TMEM132B: variants seen among roughly 807,000 people sequenced by gnomAD.
TMEM132B encodes transmembrane protein 132B.
TMEM132B carries 18 observed loss-of-function variants against 90.8 expected under a neutral mutation model. That is an observed-to-expected ratio of 0.20 (90% CI 0.14 to 0.29). The LOEUF (loss-of-function observed/expected upper bound fraction) is 0.29. Ranked by LOEUF, TMEM132B falls within the 10% of genes least tolerant of loss-of-function variation. The probability of loss-of-function intolerance (pLI) is 1.00; values close to 1 mark genes in which losing one functional copy is unlikely to be tolerated. For missense variants in TMEM132B, 1,096 were observed against 1,326.8 expected (o/e 0.83, Z 2.70); for synonymous variants, 504 against 523.3 (o/e 0.96, Z 0.50).
At chr12:125,308,253 G>A (rs536107500) in intron 1 of TMEM132B, among the ~76,000 whole-genome samples, 1 of 151,454 alleles carries the variant, frequency 6.6e-6, no homozygotes, top group South Asian at 2.1e-4. Context: ...TAATATTTTT[G>A]CAACTTGCCT....
At chr12:125,190,307 C>T (rs191199595) in intron 1 of TMEM132B, among the ~76,000 whole-genome samples, 18 of 152,250 alleles carry the variant, frequency 1.2e-4, no homozygotes, top group Admixed American at 5.9e-4. Context: ...GAATGACAGC[C>T]GCCTGGCCTG....
chr12:125,591,359 A>G (rs1347238604), intron 5 of TMEM132B, among the ~76,000 whole-genome samples: 1 of 151,680 alleles, frequency 6.6e-6, no homozygotes, highest in African/African-American at 2.4e-5. Context: ...CCCTTCCTCA[A>G]TTTTCAAAGC....
intron 6 of TMEM132B, among the ~76,000 whole-genome samples, chr12:125,646,290 A>C (rs1886762771): frequency 6.6e-6 from 1 of 152,240 alleles, no homozygotes; most frequent in African/African-American, 2.4e-5. Flanking sequence ...AGCAGAATGC[A>C]AGAGGATAGA....
intron 1 of TMEM132B, among the ~76,000 whole-genome samples, chr12:125,194,096 C>T (rs901631445): frequency 6.6e-6 from 1 of 152,228 alleles, no homozygotes; most frequent in Non-Finnish European, 1.5e-5. Context: ...CCAGGGTGCT[C>T]CTGTCTCCCT....
chr12:125,415,484 T>G lies in TMEM132B; in HGVS notation c.960-47T>G. The G allele has an allele frequency of 1.3e-6, 2 of 1,599,224 alleles. No homozygotes were observed. The highest frequency in any genetic ancestry group is 1.7e-6 in the Non-Finnish European group (2 of 1,171,986). The stretch of plus-strand genomic sequence containing the variant: ...CCATCTTTTACTACCTGTTTCAAAC[T>G]AAAATGGTTTTATTATATATAATAT... On this transcript the variant is annotated intron_variant, in intron 2 of 8. Coordinates refer to ENST00000682704, the MANE Select transcript of TMEM132B (RefSeq NM_001366854.1). The surrounding 1 kb of genome is among the most constrained non-coding windows in gnomAD (Gnocchi z 5.3).
At chr12:125,377,571 T>C (rs1249472076) in intron 2 of TMEM132B, among the ~76,000 whole-genome samples, 1 of 152,170 alleles carries the variant, frequency 6.6e-6, no homozygotes, top group Non-Finnish European at 1.5e-5. Context: ...CACAGGTTAA[T>C]ATGTGTTAAT....
chr12:125,655,156 T>C lies in TMEM132B; in HGVS notation c.*446T>C, dbSNP rs147757767. 1.2e-3 allele frequency: 193 copies of C among 161,324 alleles called. No homozygotes were observed. Among genetic ancestry groups the C allele is most frequent in the Non-Finnish European group, 1.9e-3 (136 of 73,328 alleles). The allele number at this position is 161,324 out of a possible 1,614,324, so 10.0% of individuals were successfully genotyped here. ...GAAAGATGACTGAATGTAGCTATCC[T>C]GATTTGTCATGAGCGCTGCTCATTA... On this transcript the variant is annotated 3_prime_UTR_variant, in exon 9 of 9. Coordinates refer to ENST00000682704, the MANE Select transcript of TMEM132B (RefSeq NM_001366854.1).
chr12:125,223,784 G>A (rs973001544), intron 1 of TMEM132B, among the ~76,000 whole-genome samples: 3 of 150,794 alleles, frequency 2.0e-5, no homozygotes, highest in African/African-American at 7.4e-5. Context: ...CTTTCACTTT[G>A]TATAATATTT....
At chr12:125,280,886 G>C (rs1450508355) in intron 1 of TMEM132B, among the ~76,000 whole-genome samples, 3 of 152,218 alleles carry the variant, frequency 2.0e-5, no homozygotes, top group African/African-American at 4.8e-5. Flanking sequence ...AGAGGAGGGG[G>C]TAGGAGTGAG....
intron 3 of TMEM132B, among the ~76,000 whole-genome samples, chr12:125,505,844 G>GGCC (rs1451813755): frequency 3.3e-5 from 5 of 152,120 alleles, no homozygotes; most frequent in Non-Finnish European, 7.4e-5. Context: ...TAATTAAAAG[G>GGCC]GCCTCAGGGC....
intron 3 of TMEM132B, among the ~76,000 whole-genome samples, chr12:125,468,209 A>G (rs1240845233): frequency 1.3e-5 from 2 of 151,704 alleles, no homozygotes; most frequent in African/African-American, 4.8e-5. Context: ...GGGCTGCACC[A>G]TTTTACATTT....
rs542948323 is a variant in TMEM132B at position 125,226,205 on chromosome 12, C to T, written c.67+39339C>T. On this transcript the variant is annotated intron_variant, in intron 1 of 8. Coordinates refer to ENST00000682704, the MANE Select transcript of TMEM132B (RefSeq NM_001366854.1). ...CAGCTAAGGGTGTCAAATTTGCATACGACAGAGTCACACAGAGTTGTGACA... is the reference window on the plus strand; with the variant it reads ...CAGCTAAGGGTGTCAAATTTGCATATGACAGAGTCACACAGAGTTGTGACA... 3.9e-5 allele frequency among the ~76,000 whole-genome samples: 6 copies of T among 152,306 alleles called. No homozygotes were observed. The East Asian group carries it at 5.8e-4, about 15-fold the overall frequency.
intron 1 of TMEM132B, among the ~76,000 whole-genome samples, chr12:125,336,843 G>A (rs1274118334): frequency 6.6e-6 from 1 of 152,198 alleles, no homozygotes; most frequent in Admixed American, 6.5e-5. Flanking sequence ...GTAAGCCTCA[G>A]CTGCTTCCCA....
At chr12:125,463,229 T>G (rs2136477191) in intron 3 of TMEM132B, among the ~76,000 whole-genome samples, 1 of 152,312 alleles carries the variant, frequency 6.6e-6, no homozygotes, top group East Asian at 1.9e-4. Context: ...TGGCAGGATA[T>G]TTTAAAAGTG....
chr12:125,360,640 T>C (rs1877929847), intron 2 of TMEM132B, among the ~76,000 whole-genome samples: 1 of 152,062 alleles, frequency 6.6e-6, no homozygotes, highest in African/African-American at 2.4e-5. Flanking sequence ...CTTAAGTACC[T>C]GAGGAAGTGC....
rs1351740714 is a variant in TMEM132B, at chr12:125,654,438, T to G, written c.2980T>G (p.Ser994Ala). The part of the protein sequence containing the change: ...EERNFLLNGS[S>A]QKTFHSQLLR... ...GAGGAACTTCCTTCTGAATGGCAGT[T>G]CCCAGAAGACTTTTCATAGTCAACT... Residue 994 changes from serine to alanine, a missense_variant, in exon 9 of 9, where the codon TCC (serine) becomes GCC (alanine). Physicochemically the swap from Ser to Ala is moderately conservative, Grantham distance 99. Coordinates refer to ENST00000682704, the MANE Select transcript of TMEM132B (RefSeq NM_001366854.1). The surrounding 1 kb of genome is among the most constrained non-coding windows in gnomAD (Gnocchi z 5.8). The G allele has an allele frequency of 6.2e-7, 1 of 1,613,634 alleles. No individual in the cohort carries two copies. Among genetic ancestry groups the G allele is most frequent in the East Asian group, 2.2e-5 (1 of 44,872 alleles).
chr12:125,580,916 G>T (rs78333527), intron 4 of TMEM132B, among the ~76,000 whole-genome samples: 1,816 of 152,256 alleles, frequency 0.012, 37 homozygotes, highest in African/African-American at 0.042. Context: ...GCATCTCTGG[G>T]ATCAGGGGAC....
At chr12:125,366,602 T>G (rs1878140767) in intron 2 of TMEM132B, among the ~76,000 whole-genome samples, 1 of 152,212 alleles carries the variant, frequency 6.6e-6, no homozygotes, top group Non-Finnish European at 1.5e-5. Context: ...TTGCTCATCA[T>G]CTTTGCCTTT....
At chr12:125,480,564 A>C (rs568484193) in intron 3 of TMEM132B, among the ~76,000 whole-genome samples, 30 of 152,380 alleles carry the variant, frequency 2.0e-4, no homozygotes, top group African/African-American at 7.2e-4. Context: ...ACCAGGAAGA[A>C]GTTGAATTGC....
Sources: allele counts gnomAD v4.1 joint callset (sites outside exome capture counted in the v4.1 genomes callset), GRCh38; gene constraint gnomAD v4.1.1; non-coding constraint Gnocchi (gnomAD v3.1); transcripts MANE v1.5; gene names NCBI Gene and HGNC (gene_info 2026-07-23, HGNC 2026-07-21).